The following RYR2 variants were observed in gnomAD, a reference collection of about 807,000 sequenced individuals.
RYR2 encodes the protein ryanodine receptor 2, also known as cardiac muscle ryanodine receptor-calcium release channel.
Under a neutral mutation model 601.1 loss-of-function variants are expected in RYR2, and 227 were observed. The ratio of observed to expected loss-of-function variants is 0.38; its 90% CI spans 0.34 to 0.42. The LOEUF (loss-of-function observed/expected upper bound fraction) is 0.42. Ranked by LOEUF, RYR2 falls within the 10% of genes least tolerant of loss-of-function variation. The pLI, the probability that RYR2 is intolerant of heterozygous loss-of-function variation, is 1.00. For synonymous variants in RYR2, 2,223 were observed against 2,175.1 expected (o/e 1.02, Z -0.61); for missense variants, 4,646 against 6,156.5 (o/e 0.75, Z 8.21).
intron 25 of RYR2, among the ~76,000 whole-genome samples, chr1:237,544,994 T>A (rs528823979): frequency 6.6e-6 from 1 of 152,306 alleles, no homozygotes; most frequent in South Asian, 2.1e-4. Context: ...GTAACTATAA[T>A]TTGGATGGGA....
At chr1:237,640,584 T>G (rs1370874664) in intron 46 of RYR2, among the ~76,000 whole-genome samples, 2 of 152,200 alleles carry the variant, frequency 1.3e-5, no homozygotes, top group African/African-American at 4.8e-5. Context: ...TCAGTTATTT[T>G]CTTTGTTAAT....
chr1:237,168,982 A>G (rs182553745), intron 1 of RYR2, among the ~76,000 whole-genome samples: 2 of 152,144 alleles, frequency 1.3e-5, no homozygotes, highest in South Asian at 2.1e-4. Flanking sequence ...AGTTGATTAC[A>G]TGTTTCATTT....
chr1:237,540,593 G>A (rs1182758519), intron 25 of RYR2, among the ~76,000 whole-genome samples: 2 of 152,058 alleles, frequency 1.3e-5, no homozygotes, highest in Non-Finnish European at 2.9e-5. Flanking sequence ...TGTAATCCCA[G>A]CTACTTGGGA....
intron 47 of RYR2, 66 bp from the exon 48 acceptor site, chr1:237,643,261 T>A: frequency 1.3e-6 from 2 of 1,579,584 alleles, no homozygotes; most frequent in Non-Finnish European, 1.7e-6. Context: ...TACTTCAGAT[T>A]TCCTAGACAG....
At chr1:237,511,510 T>C (rs549762864) in intron 23 of RYR2, among the ~76,000 whole-genome samples, 178 bp from the exon 24 acceptor site, 1 of 152,076 alleles carries the variant, frequency 6.6e-6, no homozygotes, top group South Asian at 2.1e-4. Context: ...AATGCCAGCT[T>C]TTACCAGTGA....
chr1:237,203,428 G>A (rs1303991728), intron 1 of RYR2, among the ~76,000 whole-genome samples: 1 of 152,198 alleles, frequency 6.6e-6, no homozygotes, highest in Non-Finnish European at 1.5e-5. Context: ...TTGTAGGTAA[G>A]AGTATATATT....
At chr1:237,063,855 A>G (rs1663197871) in intron 1 of RYR2, among the ~76,000 whole-genome samples, 1 of 152,102 alleles carries the variant, frequency 6.6e-6, no homozygotes, top group Non-Finnish European at 1.5e-5. Context: ...TTGCGTATGG[A>G]ATTGGCAGTT....
rs1271838657 is a variant in RYR2, at chr1:237,500,816, T to G, written c.2309T>G (p.Ile770Ser). 6.2e-7 allele frequency: 1 copy of G among 1,614,050 alleles called. No individual in the cohort carries two copies. The highest frequency in any genetic ancestry group is 1.1e-5 in the South Asian group (1 of 91,084). Residue 770 changes from isoleucine (I) to serine (S), a missense_variant, in exon 21 of 105, where the codon ATT becomes AGT. Transcript: ENST00000366574. The part of the protein sequence containing the change: ...DLSAPSISFR[I>S]NGQPVQGMFE... ...AGTGCCCCAAGCATCTCGTTCCGAA[T>G]TAATGGACAACCTGTTCAAGGAATG...
chr1:237,338,491 GAT>G (rs1260184761), intron 3 of RYR2, among the ~76,000 whole-genome samples: 26 of 152,102 alleles, frequency 1.7e-4, no homozygotes, highest in Non-Finnish European at 5.9e-5. Flanking sequence ...AAAAAATGAG[GAT>G]ATATATAAAT....
chr1:237,527,013 C>T (rs549064038), intron 24 of RYR2, among the ~76,000 whole-genome samples: 14 of 152,194 alleles, frequency 9.2e-5, no homozygotes, highest in Admixed American at 1.3e-4. Context: ...TTCATTCTTC[C>T]GCATATGGCT....
chr1:237,693,019 G>A (rs941998541), intron 63 of RYR2, among the ~76,000 whole-genome samples: 3 of 152,106 alleles, frequency 2.0e-5, no homozygotes, highest in Non-Finnish European at 2.9e-5. Context: ...ACCCAGGTCC[G>A]GCCTTCAAGA....
chr1:237,146,714 T>C (rs1453559398), intron 1 of RYR2, among the ~76,000 whole-genome samples: 8 of 152,196 alleles, frequency 5.3e-5, no homozygotes, highest in Non-Finnish European at 7.3e-5. Flanking sequence ...CAGTTTTCTT[T>C]CACTTGGAGG....
intron 12 of RYR2, among the ~76,000 whole-genome samples, chr1:237,433,336 T>C (rs10429914): frequency 0.69 from 99,812 of 143,628 alleles, 34,143 homozygotes; most frequent in East Asian, 1. Context: ...TTAGAGTAAT[T>C]GATAGTGCTG....
chr1:237,319,030 C>A (rs1695371241), intron 2 of RYR2, among the ~76,000 whole-genome samples: 1 of 151,984 alleles, frequency 6.6e-6, no homozygotes, highest in African/African-American at 2.4e-5. Flanking sequence ...CTGTGTACTT[C>A]AGATTGAATA....
At chr1:237,792,499 C>T (rs149103360) in intron 94 of RYR2, among the ~76,000 whole-genome samples, 176 bp downstream of exon 94, 56 of 151,296 alleles carry the variant, frequency 3.7e-4, no homozygotes, top group African/African-American at 1.4e-3. Flanking sequence ...GGGAATGCTC[C>T]ATGAATCAAC....
intron 2 of RYR2, among the ~76,000 whole-genome samples, chr1:237,308,903 C>T (rs1156461555): frequency 1.3e-5 from 2 of 152,212 alleles, no homozygotes; most frequent in African/African-American, 4.8e-5. Context: ...TTATAGAGAG[C>T]TGATTGGTCC....
intron 1 of RYR2, among the ~76,000 whole-genome samples, chr1:237,264,775 A>T (rs1367900247): frequency 6.6e-6 from 1 of 150,858 alleles, no homozygotes; most frequent in African/African-American, 2.4e-5. Flanking sequence ...GGCTCACTGC[A>T]ACCTCCATCT....
intron 25 of RYR2, among the ~76,000 whole-genome samples, 155 bp from the exon 26 acceptor site, chr1:237,548,276 T>A (rs890441598): frequency 5.9e-5 from 9 of 152,076 alleles, no homozygotes; most frequent in African/African-American, 2.2e-4. Flanking sequence ...TTAGCTAAAG[T>A]GAAAGGAACC....
intron 1 of RYR2, among the ~76,000 whole-genome samples, chr1:237,230,544 TA>T (rs1558464900): frequency 1.3e-5 from 2 of 152,248 alleles, no homozygotes; most frequent in East Asian, 1.9e-4. Context: ...GTTATCTTTT[TA>T]CCAAATGCAG....
Sources: gnomAD v4.1 joint callset for allele counts (sites outside exome capture counted in the v4.1 genomes callset) on GRCh38, gnomAD v4.1.1 for gene constraint, MANE v1.5 for transcripts, NCBI Gene and HGNC (gene_info 2026-07-23, HGNC 2026-07-21) for gene names.